Variants in ROBO1 observed in about 807,000 individuals in gnomAD.
ROBO1 encodes the protein roundabout guidance receptor 1.
In ROBO1, 149 loss-of-function variants were observed where a neutral mutation model predicts 195.9. The ratio of observed to expected loss-of-function variants is 0.76; its 90% CI spans 0.67 to 0.87. The LOEUF (loss-of-function observed/expected upper bound fraction) is 0.87. Among genes scored for constraint, ROBO1 ranks in the 40% least tolerant of loss-of-function variants. ROBO1 has a pLI of 0.00. For missense variants in ROBO1, 1,933 were observed against 2,068.3 expected (o/e 0.93, Z 1.27); for synonymous variants, 816 against 733.2 (o/e 1.11, Z -1.82).
At chr3:79,282,458 C>A (rs2109004991) in intron 2 of ROBO1, among the ~76,000 whole-genome samples, 2 of 152,212 alleles carry the variant, frequency 1.3e-5, no homozygotes, top group South Asian at 4.1e-4. Context: ...AATGTCTAAG[C>A]AAGACTTGAC....
chr3:78,636,180 G>T, intron 22 of ROBO1, 72 bp from the exon 23 acceptor site: 1 of 1,097,562 alleles, frequency 9.1e-7, no homozygotes, highest in Non-Finnish European at 1.3e-6. Context: ...TTTTTACGTA[G>T]CTTTGCGAGT....
At chr3:78,652,826 GT>G (rs906194939) in intron 18 of ROBO1, among the ~76,000 whole-genome samples, 1 of 151,998 alleles carries the variant, frequency 6.6e-6, no homozygotes, top group East Asian at 1.9e-4. Flanking sequence ...AGTCTACTGA[GT>G]TTTTTTCAAG....
intron 1 of ROBO1, among the ~76,000 whole-genome samples, chr3:79,754,761 A>T (rs1423007793): frequency 6.6e-6 from 1 of 152,208 alleles, no homozygotes; most frequent in Non-Finnish European, 1.5e-5. Flanking sequence ...AATAAAGACC[A>T]TATTTACTAG....
At chr3:79,126,435 T>C (rs896923952) in intron 2 of ROBO1, among the ~76,000 whole-genome samples, 9 of 152,164 alleles carry the variant, frequency 5.9e-5, no homozygotes, top group African/African-American at 2.2e-4. Flanking sequence ...AGGAGCAGTA[T>C]GTGTGTATAT....
intron 29 of ROBO1, among the ~76,000 whole-genome samples, chr3:78,606,357 A>C (rs965405155): frequency 6.6e-6 from 1 of 152,128 alleles, no homozygotes; most frequent in Admixed American, 6.6e-5. Context: ...ATTTTTTGTA[A>C]AGATGGTCTC....
intron 3 of ROBO1, among the ~76,000 whole-genome samples, chr3:78,987,932 G>T (rs999266151): frequency 6.6e-6 from 1 of 151,932 alleles, no homozygotes; most frequent in East Asian, 1.9e-4. Context: ...ATTATATAAA[G>T]TTGCTAAATA....
intron 2 of ROBO1, among the ~76,000 whole-genome samples, chr3:79,281,971 T>G (rs1228963770): frequency 6.6e-6 from 1 of 152,224 alleles, no homozygotes; most frequent in Non-Finnish European, 1.5e-5. Context: ...TTATTCAAAA[T>G]GTATTGAGCA....
At chr3:79,545,219 C>T (rs553867122) in intron 2 of ROBO1, among the ~76,000 whole-genome samples, 81 of 152,102 alleles carry the variant, frequency 5.3e-4, no homozygotes, top group Non-Finnish European at 1.0e-3. Context: ...TCGATGAAGG[C>T]AATAGCAACT....
At chr3:79,580,671 C>A (rs987176217) in intron 2 of ROBO1, among the ~76,000 whole-genome samples, 2 of 151,716 alleles carry the variant, frequency 1.3e-5, no homozygotes, top group African/African-American at 4.8e-5. Context: ...TAAATATATT[C>A]ACTGATATTT....
At chr3:79,073,178 C>A (rs968922041) in intron 3 of ROBO1, among the ~76,000 whole-genome samples, 1 of 151,906 alleles carries the variant, frequency 6.6e-6, no homozygotes, top group Non-Finnish European at 1.5e-5. Context: ...AGGAAAAGAG[C>A]CCACCTGGTT....
chr3:78,604,149 C>A (rs566169855), intron 29 of ROBO1, among the ~76,000 whole-genome samples: 69 of 152,196 alleles, frequency 4.5e-4, no homozygotes, highest in Admixed American at 9.8e-4. Context: ...TGGCTCACTG[C>A]AATCTCCTCC....
At chr3:79,728,150 G>A (rs1702997997) in intron 1 of ROBO1, among the ~76,000 whole-genome samples, 2 of 149,964 alleles carry the variant, frequency 1.3e-5, no homozygotes, top group Admixed American at 6.7e-5. Flanking sequence ...CCCCCCACAG[G>A]AAATTTTTTT....
intron 3 of ROBO1, among the ~76,000 whole-genome samples, chr3:79,090,017 G>A (rs1381316755): frequency 2.7e-5 from 4 of 149,730 alleles, no homozygotes; most frequent in African/African-American, 9.9e-5. Context: ...TTGGCTCACT[G>A]CAACCTCCAT....
At chr3:79,632,701 A>G (rs548336631) in intron 1 of ROBO1, among the ~76,000 whole-genome samples, 2 of 152,320 alleles carry the variant, frequency 1.3e-5, no homozygotes, top group African/African-American at 4.8e-5. Flanking sequence ...AAAACATTAG[A>G]GAATATATTT....
chr3:78,789,020 T>G (rs2083936776), intron 4 of ROBO1, among the ~76,000 whole-genome samples: 1 of 152,146 alleles, frequency 6.6e-6, no homozygotes, highest in South Asian at 2.1e-4. Flanking sequence ...TCACATAGGC[T>G]GGGCCAAACA....
intron 1 of ROBO1, among the ~76,000 whole-genome samples, chr3:79,624,610 A>T (rs1397092266): frequency 6.6e-6 from 1 of 152,094 alleles, no homozygotes; most frequent in East Asian, 1.9e-4. Context: ...GAAGGGCATT[A>T]TATAATGGAA....
chr3:79,668,763 A>G (rs1946546378), intron 1 of ROBO1, among the ~76,000 whole-genome samples: 1 of 151,870 alleles, frequency 6.6e-6, no homozygotes, highest in African/African-American at 2.4e-5. Context: ...TGTAAGAAAA[A>G]GAAAGACAAT....
intron 3 of ROBO1, among the ~76,000 whole-genome samples, chr3:78,950,400 C>A (rs2040709443): frequency 6.6e-6 from 1 of 150,776 alleles, no homozygotes; most frequent in South Asian, 2.1e-4. Flanking sequence ...TCTCCGCAAA[C>A]TATAGCAAGG....
intron 2 of ROBO1, among the ~76,000 whole-genome samples, chr3:79,329,212 A>G (rs2034334972): frequency 6.6e-6 from 1 of 152,124 alleles, no homozygotes; most frequent in Non-Finnish European, 1.5e-5. Context: ...TCGCTTCCAC[A>G]TGGCAAATCT....
Sources: gnomAD v4.1 joint callset for allele counts (sites outside exome capture counted in the v4.1 genomes callset) on GRCh38, gnomAD v4.1.1 for gene constraint, MANE v1.5 for transcripts, NCBI Gene and HGNC (gene_info 2026-07-23, HGNC 2026-07-21) for gene names.